Variants in LAMB3 observed in about 807,000 individuals in gnomAD.
The protein encoded by LAMB3 is laminin subunit beta 3, also known as laminin subunit beta-3.
Under a neutral mutation model 140.3 loss-of-function variants are expected in LAMB3, and 104 were observed. The ratio of observed to expected loss-of-function variants is 0.74; its 90% CI spans 0.63 to 0.87. LAMB3 has a LOEUF of 0.87. Among genes scored for constraint, LAMB3 ranks in the 40% least tolerant of loss-of-function variants. LAMB3 has a pLI of 0.00. For synonymous variants in LAMB3, 592 were observed against 602.9 expected (o/e 0.98, Z 0.26); for missense variants, 1,531 against 1,575.2 (o/e 0.97, Z 0.47).
At chr1:209,639,088 T>G (rs2076440807) in intron 3 of LAMB3, among the ~76,000 whole-genome samples, 1 of 151,944 alleles carries the variant, frequency 6.6e-6, no homozygotes, top group African/African-American at 2.4e-5. Flanking sequence ...GCCTGGGAAA[T>G]TCTGGGGTTT....
At chr1:209,634,324 A>C in intron 6 of LAMB3, 123 bp downstream of exon 6, 1 of 981,478 alleles carries the variant, frequency 1.0e-6, no homozygotes, top group East Asian at 2.5e-5. Context: ...GAATTCAGGA[A>C]AGTCAGCAAG....
At chr1:209,627,678 T>G (rs1410606139) in intron 11 of LAMB3, 99 bp from the exon 12 acceptor site, 1 of 1,121,570 alleles carries the variant, frequency 8.9e-7, no homozygotes. Context: ...GGAAAAGAAC[T>G]GGGCAGGGCC....
rs780424034 is a variant in LAMB3, at chr1:209,623,588, C to A, written c.2275G>T (p.Gly759Ter). Residue 759 changes from glycine (G) to a stop codon, truncating the protein, a stop_gained, in exon 16 of 23, where the codon GGA (glycine) becomes TGA (stop). Transcript: ENST00000356082. LOFTEE classifies it high-confidence loss of function. The surrounding 1 kb of genome is among the most constrained non-coding windows in gnomAD (Gnocchi z 4.2). ...AERLVRQAGGGGGTGSPKLVA... is the reference protein window; with the variant it reads ...AERLVRQAGG ...AGCTTGGGGCTGCCGGTGCCTCCTC[C>A]TCCTCCCGCCTGCCGCACCAGCCTC... The A allele has an allele frequency of 1.2e-6, 2 of 1,614,048 alleles. No individual in the cohort carries two copies. The highest frequency in any genetic ancestry group is 1.7e-6 in the Non-Finnish European group (2 of 1,180,014).
intron 1 of LAMB3, among the ~76,000 whole-genome samples, chr1:209,651,847 G>A (rs2076568732): frequency 6.6e-6 from 1 of 150,744 alleles, no homozygotes; most frequent in African/African-American, 2.4e-5. Flanking sequence ...TTTGGCTGGG[G>A]TGGAGGGCTG....
rs1666613084 is a variant in LAMB3 at position 209,629,870 on chromosome 1, G to A, written c.999C>T (p.Ala333=). 8 of 1,614,050 alleles carry A rather than the reference G, an allele frequency of 5.0e-6. No homozygotes were observed. Among genetic ancestry groups the A allele is most frequent in the African/African-American group, 2.7e-5 (2 of 74,908 alleles). The change falls in exon 10 of 23, where the codon GCC becomes GCT. Residue 333 remains alanine, a synonymous_variant. Transcript: ENST00000356082. ...ETCHFDPAVF[A]ASQGAYGGVC... is the part of the protein sequence containing the mutation. The stretch of plus-strand genomic sequence containing the variant: ...CACCTCCATATGCCCCCTGGCTGGC[G>A]GCAAACACAGCGGGGTCAAAGTGAC...
rs1158847291 is a variant in LAMB3, at chr1:209,623,394, T to A, written c.2358+111A>T. On this transcript the variant is annotated intron_variant, in intron 16 of 22. Coordinates refer to ENST00000356082, the MANE Select transcript of LAMB3 (RefSeq NM_000228.3). This position sits in a 1 kb window ranked among gnomAD's most constrained non-coding sequence, Gnocchi z 4.2. ...ACAAGGGTCGGGATGGCTGGGGGAG[T>A]GGGGTTCTCACAGGGGCAGATCTGC... 1 of 1,158,414 alleles carries A rather than the reference T, an allele frequency of 8.6e-7. No homozygotes were observed. Among genetic ancestry groups the A allele is most frequent in the African/African-American group, 1.5e-5 (1 of 65,438 alleles). 71.8% of individuals were successfully genotyped at this position (1,158,414 alleles called of 1,614,324 possible). A position where few individuals can be genotyped will look rare whatever the true frequency, so the allele number is the denominator to read the frequency against.
At position 209,642,572 on chromosome 1, in the gene LAMB3, A is replaced by G. The variant is rs1273667803; in HGVS notation, c.184-3924T>C. ...TGCTCACTGCAACCCTCTGCCTCCC[A>G]GGCTCAAGCGATTCTCCCGCCTCGG... On this transcript the variant is annotated intron_variant, in intron 3 of 22. Transcript: ENST00000356082. Among the ~76,000 whole-genome samples, 121 of 152,236 alleles carry G rather than the reference A, an allele frequency of 7.9e-4. 1 individual carries two copies. Among genetic ancestry groups the G allele is most frequent in the Non-Finnish European group, 1.9e-4 (13 of 68,010 alleles).
At chr1:209,628,324 C>G in intron 10 of LAMB3, 134 bp from the exon 11 acceptor site, 1 of 955,048 alleles carries the variant, frequency 1.0e-6, no homozygotes, top group Non-Finnish European at 1.6e-6. Context: ...AGTCAAGTTA[C>G]TTAATCCCTC....
chr1:209,623,938 C>G lies in LAMB3; in HGVS notation c.2039G>C (p.Arg680Thr). ...GCTTCTGTCAAGACTCTCCAGGTCTCTCGGAAGGGACAACGTCTCCTCCTC... is the reference window on the plus strand; with the variant it reads ...GCTTCTGTCAAGACTCTCCAGGTCTGTCGGAAGGGACAACGTCTCCTCCTC... ...PLEEETLSLP[R>T]DLESLDRSFN... The change falls in exon 15 of 23, where the codon AGA (arginine) becomes ACA (threonine). Residue 680 changes from arginine to threonine, a missense_variant. Arg to Thr is a moderately conservative substitution (Grantham distance 71). Coordinates refer to ENST00000356082, the MANE Select transcript of LAMB3 (RefSeq NM_000228.3). This position sits in a 1 kb window ranked among gnomAD's most constrained non-coding sequence, Gnocchi z 4.2. The G allele has an allele frequency of 1.2e-6, 2 of 1,614,146 alleles. No homozygotes were observed. The highest frequency in any genetic ancestry group is 1.7e-6 in the Non-Finnish European group (2 of 1,180,008).
Position 209,650,061 on chromosome 1 carries a change from G to T in LAMB3, c.86C>A (p.Pro29His), listed in dbSNP as rs2076551851. Residue 29 changes from proline to histidine, a missense_variant, in exon 3 of 23, where the codon CCT becomes CAT. By Grantham distance (77) the Pro-to-His change is moderately conservative. Coordinates refer to ENST00000356082, the MANE Select transcript of LAMB3 (RefSeq NM_000228.3). ...QACSRGACYP[P>H]VGDLLVGRTR... ...CCTCCCAACAAGCAGGTCCCCAACA[G>T]GTGGATAGCAGGCCCCACGGGAGCA... 6.2e-7 allele frequency: 1 copy of T among 1,614,056 alleles called. No individual in the cohort carries two copies. Among genetic ancestry groups the T allele is most frequent in the Admixed American group, 1.7e-5 (1 of 60,004 alleles).
chr1:209,650,132 G>T lies in LAMB3; in HGVS notation c.29-14C>A. 6.2e-7 allele frequency: 1 copy of T among 1,609,662 alleles called. No homozygotes were observed. The highest frequency in any genetic ancestry group is 8.5e-7 in the Non-Finnish European group (1 of 1,178,234). The stretch of plus-strand genomic sequence containing the variant: ...GGCCAGGCAGGGCTGAAATCACAGG[G>T]ATGTGTGATGGAGCAGTCCAGAAAA... On this transcript the variant is annotated splice_polypyrimidine_tract_variant and intron_variant, in intron 2 of 22. Coordinates refer to ENST00000356082, the MANE Select transcript of LAMB3 (RefSeq NM_000228.3).
chr1:209,639,499 A>G (rs186126858), intron 3 of LAMB3, among the ~76,000 whole-genome samples: 46 of 152,368 alleles, frequency 3.0e-4, no homozygotes, highest in African/African-American at 8.4e-4. Context: ...GGAATGAGAC[A>G]GGAGCCAGAA....
In LAMB3 at chr1:209,617,868, T is replaced by A. The variant is rs775392240; in HGVS notation, c.3051+39A>T. 5.0e-6 allele frequency: 8 copies of A among 1,613,924 alleles called. No homozygotes were observed. In the African/African-American group the frequency reaches 1.1e-4, roughly 22 times the overall value. On this transcript the variant is annotated intron_variant, in intron 20 of 22. Transcript: ENST00000356082. ...TGCCTGGTGCCCAAATTTTCCTGTT[T>A]ATGCCCAAATATGGGCGGAGGAAGC...
chr1:209,628,023 C>A lies in LAMB3; in HGVS notation c.1288+12G>T, dbSNP rs373648374. The A allele has an allele frequency of 6.3e-7, 1 of 1,595,688 alleles. No homozygotes were observed. Among genetic ancestry groups the A allele is most frequent in the Non-Finnish European group, 8.5e-7 (1 of 1,170,534 alleles). On this transcript the variant is annotated intron_variant, in intron 11 of 22. Transcript: ENST00000356082. ...CCACCCCACGTCATGCTGGGCCAAGCCCCCTACTCACGGTGGCAGCCCTGC... is the reference window on the plus strand; with the variant it reads ...CCACCCCACGTCATGCTGGGCCAAGACCCCTACTCACGGTGGCAGCCCTGC...
At chr1:209,642,212 T>C (rs1385074750) in intron 3 of LAMB3, among the ~76,000 whole-genome samples, 6 of 152,216 alleles carry the variant, frequency 3.9e-5, no homozygotes, top group Admixed American at 3.9e-4. Context: ...GGGCATACAC[T>C]TGCATATACA....
intron 3 of LAMB3, among the ~76,000 whole-genome samples, chr1:209,649,458 G>A (rs1054408140): frequency 3.9e-5 from 6 of 152,184 alleles, no homozygotes; most frequent in Non-Finnish European, 7.3e-5. Context: ...TCAAAGCATC[G>A]TGTTTCTGGA....
chr1:209,652,015 C>T (rs147048714), intron 1 of LAMB3, among the ~76,000 whole-genome samples: 11 of 152,244 alleles, frequency 7.2e-5, no homozygotes, highest in South Asian at 4.1e-4. Context: ...CCACAGCTAA[C>T]GATGGCCTAA....
In LAMB3 at chr1:209,650,905, A is replaced by C; in HGVS notation, c.28+12T>G. 1.2e-6 allele frequency: 2 copies of C among 1,613,930 alleles called. No homozygotes were observed. Among genetic ancestry groups the C allele is most frequent in the South Asian group, 2.2e-5 (2 of 91,080 alleles). On this transcript the variant is annotated intron_variant, in intron 2 of 22. Coordinates refer to ENST00000356082, the MANE Select transcript of LAMB3 (RefSeq NM_000228.3). Reference sequence around the variant, plus strand: ...TATAACAGGGCCTGGAAGGATGGGAAGGGGTACTTACCAAAACACAAGAGG... The same window carrying C: ...TATAACAGGGCCTGGAAGGATGGGACGGGGTACTTACCAAAACACAAGAGG...
Position 209,623,762 on chromosome 1 carries a change from G to T in LAMB3, c.2138-37C>A. 6.2e-7 allele frequency: 1 copy of T among 1,613,440 alleles called. No individual in the cohort carries two copies. The highest frequency in any genetic ancestry group is 8.5e-7 in the Non-Finnish European group (1 of 1,179,594). Reference sequence around the variant, plus strand: ...AGCATGAGGAATGGAGATGGAGGAGGAGCAGGAGGGAGAGGGGGTGGCATG... The same window carrying T: ...AGCATGAGGAATGGAGATGGAGGAGTAGCAGGAGGGAGAGGGGGTGGCATG... On this transcript the variant is annotated intron_variant, in intron 15 of 22. Transcript: ENST00000356082. This position sits in a 1 kb window ranked among gnomAD's most constrained non-coding sequence, Gnocchi z 4.2.
Sources: allele counts gnomAD v4.1 joint callset (sites outside exome capture counted in the v4.1 genomes callset), GRCh38; gene constraint gnomAD v4.1.1; non-coding constraint Gnocchi (gnomAD v3.1); transcripts MANE v1.5; gene names NCBI Gene and HGNC (gene_info 2026-07-23, HGNC 2026-07-21).